The following MEPE variants were observed in gnomAD, a reference collection of about 807,000 sequenced individuals.
MEPE encodes matrix extracellular phosphoglycoprotein, also known as matrix, extracellular phosphoglycoprotein with ASARM motif (bone).
A neutral mutation model predicts 7.3 loss-of-function variants in MEPE; 7 were observed. The observed-to-expected ratio is 0.95, with a 90% CI of 0.54 to 1.79. The LOEUF (loss-of-function observed/expected upper bound fraction) is 1.79. MEPE is among the 40% of genes most tolerant of loss of function. MEPE has a pLI of 0.00. For synonymous variants in MEPE, 214 were observed against 213.1 expected, an observed-to-expected ratio of 1.00 and a Z score of -0.04; for missense variants, 623 against 628.2, an observed-to-expected ratio of 0.99 and a Z score of 0.09.
At chr4:87,821,791 C>A (rs115449809) in intron 1 of MEPE, among the ~76,000 whole-genome samples, 160 of 152,234 alleles carry the variant, frequency 1.1e-3, no homozygotes, top group African/African-American at 3.8e-3. Flanking sequence ...CAAATAGAAG[C>A]AGGGGCAACC....
upstream of MEPE, among the ~76,000 whole-genome samples, chr4:87,828,743 T>C (rs1049021075): frequency 6.6e-6 from 1 of 152,188 alleles, no homozygotes; most frequent in South Asian, 2.1e-4. Flanking sequence ...CATGGAGTAC[T>C]TCCTTCCAGA....
chr4:87,824,666 G>T (rs2109987513), intron 1 of MEPE, among the ~76,000 whole-genome samples: 1 of 152,272 alleles, frequency 6.6e-6, no homozygotes, highest in Non-Finnish European at 1.5e-5. Flanking sequence ...AAATGTTGTT[G>T]TCATTAATCA....
In MEPE at chr4:87,845,541, C is replaced by T. The variant is rs770648472; in HGVS notation, c.673C>T (p.His225Tyr). The T allele has an allele frequency of 8.1e-6, 13 of 1,612,088 alleles. No individual in the cohort carries two copies. In the African/African-American group the frequency reaches 1.2e-4, roughly 15 times the overall value. Residue 225 changes from histidine (H) to tyrosine (Y), a missense_variant, in exon 4 of 4, where the codon CAT becomes TAT. Physicochemically the swap from His to Tyr is moderately conservative, Grantham distance 83. Transcript: ENST00000361056. ...TCAACACAACATTGACTACCTAAAACATCTCTCAAAAGTCAAAAAAATCCC... is the reference window on the plus strand; with the variant it reads ...TCAACACAACATTGACTACCTAAAATATCTCTCAAAAGTCAAAAAAATCCC... ...RIQHNIDYLK[H>Y]LSKVKKIPSD...
rs1266621186 is a variant in MEPE, at chr4:87,841,133, A to G, written c.108+2448A>G. 2.6e-5 allele frequency among the ~76,000 whole-genome samples: 4 copies of G among 152,316 alleles called. No homozygotes were observed. In the East Asian group the frequency reaches 7.7e-4, roughly 29 times the overall value. On this transcript the variant is annotated intron_variant, in intron 3 of 3. Transcript: ENST00000361056. Reference sequence around the variant, plus strand: ...GTGTACATGTTACTTTTTTAAAAGCAGAGAAGCACCGAAAATAAAACATAA... The same window carrying G: ...GTGTACATGTTACTTTTTTAAAAGCGGAGAAGCACCGAAAATAAAACATAA...
intron 1 of MEPE, among the ~76,000 whole-genome samples, chr4:87,822,440 C>T (rs559632452): frequency 4.8e-4 from 73 of 152,266 alleles, no homozygotes; most frequent in Non-Finnish European, 8.8e-4. Context: ...AACTGGGTTA[C>T]GAAGCTCCTG....
intron 1 of MEPE, among the ~76,000 whole-genome samples, chr4:87,824,167 A>G (rs1722407642): frequency 1.3e-5 from 2 of 152,216 alleles, no homozygotes; most frequent in East Asian, 1.9e-4. Flanking sequence ...CTAAAAAGCA[A>G]AAGTCAGCAA....
chr4:87,842,770 TA>T (rs769684249), intron 3 of MEPE, among the ~76,000 whole-genome samples: 11 of 152,198 alleles, frequency 7.2e-5, no homozygotes, highest in Non-Finnish European at 1.6e-4. Flanking sequence ...AGTTTCAGGT[TA>T]AAAATTATTG....
At chr4:87,830,504 C>T (rs1293831858), upstream of MEPE, among the ~76,000 whole-genome samples, 1 of 152,112 alleles carries the variant, frequency 6.6e-6, no homozygotes, top group African/African-American at 2.4e-5. Flanking sequence ...CACATGTTCT[C>T]ACTTATAAGT....
upstream of MEPE, among the ~76,000 whole-genome samples, chr4:87,828,910 T>TTTG (rs1722534188): frequency 6.6e-6 from 1 of 152,182 alleles, no homozygotes; most frequent in African/African-American, 2.4e-5. Flanking sequence ...CCCATTTTTC[T>TTTG]TTGTTTTGTT....
At chr4:87,831,317 C>A (rs527762076), upstream of MEPE, among the ~76,000 whole-genome samples, 17 of 152,210 alleles carry the variant, frequency 1.1e-4, no homozygotes, top group South Asian at 3.5e-3. Flanking sequence ...TCCAAACTCA[C>A]AATATTTTCC....
At chr4:87,827,066 T>G (rs914576276) in intron 1 of MEPE, among the ~76,000 whole-genome samples, 1 of 152,160 alleles carries the variant, frequency 6.6e-6, no homozygotes, top group Admixed American at 6.6e-5. Flanking sequence ...GTCCAGCCTA[T>G]TCTGCAGGAC....
intron 1 of MEPE, 99 bp from the exon 2 acceptor site, chr4:87,834,604 G>A: frequency 1.1e-6 from 1 of 870,666 alleles, no homozygotes; most frequent in Admixed American, 2.2e-5. Flanking sequence ...ACTGCCAAGG[G>A]GAAGGGTGTT....
rs1223723810 is a variant in MEPE at position 87,834,779 on chromosome 4, A to C, written c.54+11A>C. 3 of 1,606,458 alleles carry C rather than the reference A, an allele frequency of 1.9e-6. No homozygotes were observed. Among genetic ancestry groups the C allele is most frequent in the Non-Finnish European group, 2.6e-6 (3 of 1,176,148 alleles). On this transcript the variant is annotated intron_variant, in intron 2 of 3. Coordinates refer to ENST00000361056, the MANE Select transcript of MEPE (RefSeq NM_020203.6). ...ACCTGGGCAGCACCAGTAAGTATTT[A>C]CAAATTCAATTATATTTCAGATAAT...
At chr4:87,823,924 C>T (rs1312390113) in intron 1 of MEPE, among the ~76,000 whole-genome samples, 1 of 152,146 alleles carries the variant, frequency 6.6e-6, no homozygotes, top group Non-Finnish European at 1.5e-5. Context: ...CTTTAAAATA[C>T]TTAGTGGGTT....
intron 3 of MEPE, chr4:87,840,019 A>G (rs758212941): frequency 6.5e-7 from 1 of 1,535,292 alleles, no homozygotes; most frequent in South Asian, 1.2e-5. Context: ...CTGCTTCAGG[A>G]CCTGTGGCTG....
chr4:87,830,695 T>C (rs1467755844), upstream of MEPE, among the ~76,000 whole-genome samples: 1 of 152,100 alleles, frequency 6.6e-6, no homozygotes, highest in Non-Finnish European at 1.5e-5. Flanking sequence ...TGTTTATCTA[T>C]GTAATGAACC....
intron 1 of MEPE, among the ~76,000 whole-genome samples, chr4:87,823,452 G>T (rs1722390966): frequency 6.6e-6 from 1 of 152,124 alleles, no homozygotes; most frequent in Non-Finnish European, 1.5e-5. Flanking sequence ...TTATTATTGT[G>T]ACATAAATTC....
chr4:87,845,393 T>A lies in MEPE; in HGVS notation c.525T>A (p.Asn175Lys). 1 of 1,614,000 alleles carries A rather than the reference T, an allele frequency of 6.2e-7. No homozygotes were observed. Among genetic ancestry groups the A allele is most frequent in the Non-Finnish European group, 8.5e-7 (1 of 1,179,960 alleles). The change falls in exon 4 of 4, where the codon AAT becomes AAA. Residue 175 changes from asparagine (N) to lysine (K), a missense_variant. Transcript: ENST00000361056. ...GEENKENTPR[N>K]VLNIIPASMN... ...AAAACAAAGAGAACACACCTAGGAA[T>A]GTTCTAAACATAATCCCAGCAAGTA...
chr4:87,832,261 C>T (rs1330264335), upstream of MEPE, among the ~76,000 whole-genome samples: 1 of 152,152 alleles, frequency 6.6e-6, no homozygotes, highest in Non-Finnish European at 1.5e-5. Flanking sequence ...TAAGTTCTAA[C>T]ATGGGAATTT....
Sources: allele counts gnomAD v4.1 joint callset (sites outside exome capture counted in the v4.1 genomes callset), GRCh38; gene constraint gnomAD v4.1.1; transcripts MANE v1.5; gene names NCBI Gene and HGNC (gene_info 2026-07-23, HGNC 2026-07-21).